Variants in TIA1 observed in about 807,000 individuals in gnomAD.
TIA1 encodes the protein cytotoxic granule associated RNA binding protein TIA1.
TIA1 carries 23 observed loss-of-function variants against 65.9 expected under a neutral mutation model. That is an observed-to-expected ratio of 0.35 (90% CI 0.25 to 0.49). The LOEUF (loss-of-function observed/expected upper bound fraction) is 0.49, where lower values mean the gene tolerates loss of function less well. Among genes scored for constraint, TIA1 ranks in the 20% least tolerant of loss-of-function variants. The pLI is 0.98. For synonymous variants in TIA1, 147 were observed against 149.4 expected, an observed-to-expected ratio of 0.98 and a Z score of 0.12; for missense variants, 371 against 477.9, an observed-to-expected ratio of 0.78 and a Z score of 2.09.
In TIA1 at chr2:70,209,737, T is replaced by A. The variant is rs538368470; in HGVS notation, c.*2982A>T. ...TTGAGAGAAAAAAACTGATTTTTTT[T>A]AAAGAAATCATCACTCTCATTTGAA... is the stretch of plus-strand genomic sequence containing the variant. On this transcript the variant is annotated 3_prime_UTR_variant, in exon 13 of 13. Transcript: ENST00000433529. 2.2e-4 allele frequency: 87 copies of A among 398,338 alleles called. No homozygotes were observed. The highest frequency in any genetic ancestry group is 7.6e-4 in the African/African-American group (37 of 48,750). 24.7% of individuals were successfully genotyped at this position (398,338 alleles called of 1,614,324 possible).
rs1430897836 is a variant in TIA1, at chr2:70,211,124, A to G, written c.*1595T>C. 1 of 152,158 alleles carries G rather than the reference A, an allele frequency of 6.6e-6. No homozygotes were observed. The highest frequency in any genetic ancestry group is 1.5e-5 in the Non-Finnish European group (1 of 68,038). 9.4% of individuals were successfully genotyped at this position (152,158 alleles called of 1,614,324 possible). On this transcript the variant is annotated 3_prime_UTR_variant, in exon 13 of 13. Coordinates refer to ENST00000433529, the MANE Select transcript of TIA1 (RefSeq NM_022173.4). ...TCCCTGAAGGTCTTGAAAACCATCA[A>G]CCATTCAAATATGTATACTGGGACC...
Position 70,242,412 on chromosome 2 carries a change from T to G in TIA1, c.26+5993A>C, listed in dbSNP as rs1291239352. Among the ~76,000 whole-genome samples the G allele has an allele frequency of 2.3e-5, 3 of 130,720 alleles. No individual in the cohort carries two copies. The Admixed American group carries it at 2.9e-4, about 12-fold the overall frequency. 85.8% of individuals were successfully genotyped at this position (130,720 alleles called of 152,430 possible). A position where few individuals can be genotyped will look rare whatever the true frequency, so the allele number is the denominator to read the frequency against. ...CCAAGTGTGATGGTGGGCGAGAGAA[T>G]CACCTGAACCCGGGAAGTGGAGGTT... is the stretch of plus-strand genomic sequence containing the variant. On this transcript the variant is annotated intron_variant, in intron 1 of 12. Coordinates refer to ENST00000433529, the MANE Select transcript of TIA1 (RefSeq NM_022173.4).
rs775508885 is a variant in TIA1, at chr2:70,217,001, C to G, written c.475-7G>C. ...GAATGGCGTTTTCAGCATCCTGTTC[C>G]GTACAACATTAGAAACAATAAAGAA... is the stretch of plus-strand genomic sequence containing the variant. On this transcript the variant is annotated splice_region_variant and splice_polypyrimidine_tract_variant and intron_variant, in intron 7 of 12. Coordinates refer to ENST00000433529, the MANE Select transcript of TIA1 (RefSeq NM_022173.4). The G allele has an allele frequency of 6.2e-7, 1 of 1,605,130 alleles. No homozygotes were observed. Among genetic ancestry groups the G allele is most frequent in the Non-Finnish European group, 8.5e-7 (1 of 1,176,680 alleles).
chr2:70,212,641 T>TA lies in TIA1; in HGVS notation c.*77dup. On this transcript the variant is annotated 3_prime_UTR_variant, in exon 13 of 13. Transcript: ENST00000433529. ...CTGACATTTGCACTGACTGATTTGA[T>TA]AAATCTTTAAGTAAACAACGGCTTT... 1 of 857,738 alleles carries TA rather than the reference T, an allele frequency of 1.2e-6. No individual in the cohort carries two copies. Among genetic ancestry groups the TA allele is most frequent in the East Asian group, 2.4e-5 (1 of 40,960 alleles). 53.1% of individuals were successfully genotyped at this position (857,738 alleles called of 1,614,324 possible). A position where few individuals can be genotyped will look rare whatever the true frequency, so the allele number is the denominator to read the frequency against.
intron 2 of TIA1, among the ~76,000 whole-genome samples, chr2:70,235,431 G>C (rs1376819207): frequency 6.6e-6 from 1 of 151,832 alleles, no homozygotes; most frequent in East Asian, 1.9e-4. Context: ...AAAATTTAAA[G>C]TCTTTTCCCC....
At chr2:70,228,947 AAAT>A (rs1684914874) in intron 5 of TIA1, 109 bp downstream of exon 5, 2 of 1,392,868 alleles carry the variant, frequency 1.4e-6, no homozygotes, top group Non-Finnish European at 1.9e-6. Flanking sequence ...AGACAAATAG[AAAT>A]AATATCTCCT....
chr2:70,216,609 G>A, intron 8 of TIA1, 110 bp from the exon 9 acceptor site: 1 of 1,301,912 alleles, frequency 7.7e-7, no homozygotes. Context: ...TGATCAAAAT[G>A]CTTATATTAC....
chr2:70,224,886 A>G (rs1339822660), intron 6 of TIA1: 2 of 1,212,930 alleles, frequency 1.6e-6, no homozygotes, highest in Non-Finnish European at 2.1e-6. Flanking sequence ...AAACTTTTTA[A>G]ACTTTTAAAT....
intron 3 of TIA1, among the ~76,000 whole-genome samples, chr2:70,230,163 A>G (rs1003964368): frequency 6.6e-6 from 1 of 151,216 alleles, no homozygotes; most frequent in Non-Finnish European, 1.5e-5. Context: ...GAATGGCATG[A>G]ACCCGGAAGG....
At chr2:70,216,681 A>G in intron 8 of TIA1, 182 bp from the exon 9 acceptor site, 1 of 1,443,710 alleles carries the variant, frequency 6.9e-7, no homozygotes. Flanking sequence ...ATTACCCAGT[A>G]TTTTCTATTT....
chr2:70,246,004 AC>A (rs1694145762), intron 1 of TIA1, among the ~76,000 whole-genome samples: 1 of 147,374 alleles, frequency 6.8e-6, no homozygotes, highest in African/African-American at 2.6e-5. Context: ...GCTCACTGCA[AC>A]CTCCACCTCC....
intron 1 of TIA1, among the ~76,000 whole-genome samples, chr2:70,246,913 A>G (rs996809000): frequency 2.0e-5 from 3 of 152,138 alleles, no homozygotes; most frequent in African/African-American, 7.2e-5. Context: ...AAAAGTAAAA[A>G]CAAAATTAAA....
chr2:70,248,425 C>G lies in TIA1; in HGVS notation c.6G>C (p.Glu2Asp). The change falls in exon 1 of 13, where the codon GAG becomes GAC. Residue 2 changes from glutamate (E) to aspartate (D), a missense_variant. Transcript: ENST00000433529. M[E>D]DEMPKTLYVG... ...CTCACAGAGTCTTGGGCATCTCGTC[C>G]TCCATGGCTGCTGCTGTCGCGGCGG... 6.2e-7 allele frequency: 1 copy of G among 1,600,738 alleles called. No homozygotes were observed. The highest frequency in any genetic ancestry group is 1.1e-5 in the South Asian group (1 of 91,088).
In TIA1 at chr2:70,209,863, G is replaced by C. The variant is rs1676052764; in HGVS notation, c.*2856C>G. The C allele has an allele frequency of 2.5e-6, 1 of 396,536 alleles. No homozygotes were observed. Among genetic ancestry groups the C allele is most frequent in the African/African-American group, 2.1e-5 (1 of 48,552 alleles). The allele number at this position is 396,536 out of a possible 1,614,324, so 24.6% of individuals were successfully genotyped here. A position where few individuals can be genotyped will look rare whatever the true frequency, so the allele number is the denominator to read the frequency against. ...ACTTAGTAAACCTGTCTTTGTACAT[G>C]CAATCTAGTTCTTACCAACTGCCTT... On this transcript the variant is annotated 3_prime_UTR_variant, in exon 13 of 13. Transcript: ENST00000433529.
rs1693894867 is a variant in TIA1 at position 70,245,521 on chromosome 2, A to G, written c.26+2884T>C. 2.0e-5 allele frequency among the ~76,000 whole-genome samples: 3 copies of G among 152,312 alleles called. No individual in the cohort carries two copies. In the South Asian group the frequency reaches 6.2e-4, roughly 32 times the overall value. On this transcript the variant is annotated intron_variant, in intron 1 of 12. Coordinates refer to ENST00000433529, the MANE Select transcript of TIA1 (RefSeq NM_022173.4). ...TTAGTTCACAAGTTGAATATTTTTA[A>G]AGTAACCAAGGCCAATTCAGACTCA... is the stretch of plus-strand genomic sequence containing the variant.
At chr2:70,243,556 G>A (rs1343912265) in intron 1 of TIA1, among the ~76,000 whole-genome samples, 1 of 152,134 alleles carries the variant, frequency 6.6e-6, no homozygotes, top group Non-Finnish European at 1.5e-5. Flanking sequence ...TGTTACAAGA[G>A]ATGGCTGAAA....
Position 70,236,124 on chromosome 2 carries a change from G to C in TIA1, c.78C>G (p.Leu26=). Reference sequence around the variant, plus strand: ...TTTTACAAGGTCCAATCTGGCTAAAGAGTTGCAGAATTAGAGCTTCTGTCA... The same window carrying C: ...TTTTACAAGGTCCAATCTGGCTAAACAGTTGCAGAATTAGAGCTTCTGTCA... ...RDVTEALILQ[L]FSQIGPCKNC... Residue 26 remains leucine, a synonymous_variant, in exon 2 of 13, where the codon CTC becomes CTG. Coordinates refer to ENST00000433529, the MANE Select transcript of TIA1 (RefSeq NM_022173.4). The C allele has an allele frequency of 6.2e-7, 1 of 1,612,606 alleles. No individual in the cohort carries two copies. The highest frequency in any genetic ancestry group is 8.5e-7 in the Non-Finnish European group (1 of 1,179,286).
chr2:70,217,658 A>G (rs547300672), intron 7 of TIA1, among the ~76,000 whole-genome samples: 1 of 152,150 alleles, frequency 6.6e-6, no homozygotes, highest in East Asian at 1.9e-4. Context: ...CGGCCTCTCA[A>G]AGTGCTGGGA....
chr2:70,217,198 G>A (rs749402586), intron 7 of TIA1: 15 of 353,078 alleles, frequency 4.2e-5, no homozygotes, highest in Non-Finnish European at 6.6e-5. Context: ...TTCAGATAGA[G>A]TCTCGCTCTG....
Sources: allele counts gnomAD v4.1 joint callset (sites outside exome capture counted in the v4.1 genomes callset), GRCh38; gene constraint gnomAD v4.1.1; transcripts MANE v1.5; gene names NCBI Gene and HGNC (gene_info 2026-07-23, HGNC 2026-07-21).